The following SLC25A24 variants were observed in gnomAD, a reference collection of about 807,000 sequenced individuals.
The protein encoded by SLC25A24 is mitochondrial adenyl nucleotide antiporter SLC25A24.
Under a neutral mutation model 60.7 loss-of-function variants are expected in SLC25A24, and 49 were observed. That is an observed-to-expected ratio of 0.81 (90% CI 0.64 to 1.02). SLC25A24 has a LOEUF of 1.02. Ranked by LOEUF, SLC25A24 falls within the 50% of genes least tolerant of loss-of-function variation. The probability of loss-of-function intolerance (pLI) is 0.00; values close to 1 mark genes in which losing one functional copy is unlikely to be tolerated. For missense variants in SLC25A24, 564 were observed against 586.3 expected, an observed-to-expected ratio of 0.96 and a Z score of 0.39; for synonymous variants, 202 against 200.6, an observed-to-expected ratio of 1.01 and a Z score of -0.06.
chr1:108,152,719 A>G (rs577309544), intron 6 of SLC25A24, among the ~76,000 whole-genome samples: 126 of 152,234 alleles, frequency 8.3e-4, no homozygotes, highest in Non-Finnish European at 1.6e-3. Context: ...CTGTCTTTTC[A>G]TTTACTTAAT....
At chr1:108,187,173 C>T (rs1648157896) in intron 1 of SLC25A24, among the ~76,000 whole-genome samples, 2 of 151,960 alleles carry the variant, frequency 1.3e-5, no homozygotes, top group Non-Finnish European at 2.9e-5. Context: ...AGAGACAGAT[C>T]TGAAACTTGT....
intron 1 of SLC25A24, among the ~76,000 whole-genome samples, chr1:108,190,703 T>TAAAATAA (rs1250475780): frequency 3.8e-4 from 47 of 124,702 alleles, no homozygotes; most frequent in East Asian, 6.8e-4. Flanking sequence ...CTTTTTTTTT[T>TAAAATAA]TTTTAATCAG....
intron 6 of SLC25A24, among the ~76,000 whole-genome samples, chr1:108,149,013 C>T (rs945245943): frequency 6.6e-6 from 1 of 152,166 alleles, no homozygotes; most frequent in Admixed American, 6.5e-5. Flanking sequence ...TTTGCTGAAA[C>T]AGCATAACAG....
chr1:108,180,620 CTCTCTCTCTCTCTCTCTCTCTCTCTCTCT>C (rs1647887591), intron 3 of SLC25A24, among the ~76,000 whole-genome samples: 40 of 131,930 alleles, frequency 3.0e-4, no homozygotes, highest in African/African-American at 1.1e-3. Flanking sequence ...AGAAAGATCT[CTCTCTCTCTCTCTCTCTCTCTCTCTCTCT>C]CTCTCTCTCT....
intron 8 of SLC25A24, among the ~76,000 whole-genome samples, chr1:108,139,699 C>A (rs1341185345): frequency 6.6e-6 from 1 of 152,066 alleles, no homozygotes; most frequent in Non-Finnish European, 1.5e-5. Context: ...CCAATCTCTG[C>A]CTCCCAGGTT....
At chr1:108,165,020 G>A (rs1395411075) in intron 3 of SLC25A24, among the ~76,000 whole-genome samples, 7 of 146,476 alleles carry the variant, frequency 4.8e-5, no homozygotes, top group South Asian at 2.2e-4. Context: ...TTCAAAGAGC[G>A]TCTTTATTTC....
chr1:108,160,976 AGAGAGG>A (rs902910007), intron 4 of SLC25A24, among the ~76,000 whole-genome samples, 200 bp downstream of exon 4: 27 of 150,976 alleles, frequency 1.8e-4, no homozygotes, highest in East Asian at 9.7e-4. Context: ...GGAGGGGGAG[AGAGAGG>A]GAGAGGGAGA....
chr1:108,198,458 G>A (rs1648563631), intron 1 of SLC25A24: 1 of 152,102 alleles, frequency 6.6e-6, no homozygotes, highest in Non-Finnish European at 1.5e-5. Flanking sequence ...AAAGTAACTG[G>A]ACCAGAATGA....
intron 1 of SLC25A24, among the ~76,000 whole-genome samples, chr1:108,187,490 T>C (rs1648172894): frequency 6.6e-6 from 1 of 152,088 alleles, no homozygotes; most frequent in Non-Finnish European, 1.5e-5. Flanking sequence ...TACTAGACAC[T>C]ATAGACATTA....
chr1:108,156,589 C>T (rs1679905851), intron 5 of SLC25A24, among the ~76,000 whole-genome samples: 2 of 152,126 alleles, frequency 1.3e-5, no homozygotes, highest in African/African-American at 2.4e-5. Flanking sequence ...CAGAAATCTA[C>T]AGACAAATAT....
chr1:108,185,428 A>C (rs1376752785), intron 2 of SLC25A24, among the ~76,000 whole-genome samples: 2 of 152,236 alleles, frequency 1.3e-5, no homozygotes, highest in African/African-American at 4.8e-5. Flanking sequence ...AAGTTTTTTA[A>C]ATTTTAGATG....
intron 6 of SLC25A24, among the ~76,000 whole-genome samples, chr1:108,153,774 C>T (rs1396910384): frequency 1.3e-5 from 2 of 152,242 alleles, no homozygotes; most frequent in South Asian, 2.1e-4. Flanking sequence ...TTGGTGGTAT[C>T]CAAGGTAAGA....
rs376592420 is a variant in SLC25A24 at position 108,192,538 on chromosome 1, G to A, written c.184-6584C>T. ...ATTGAATGGCCCCTACATCCTCCAG[G>A]CCTTCCTGAAGCTCAAAAATGTCCA... On this transcript the variant is annotated intron_variant, in intron 1 of 9. Coordinates refer to ENST00000565488, the MANE Select transcript of SLC25A24 (RefSeq NM_013386.5). 4.7e-6 allele frequency: 7 copies of A among 1,498,832 alleles called. 1 individual carries two copies. Among genetic ancestry groups the A allele is most frequent in the African/African-American group, 4.1e-5 (3 of 73,262 alleles). 92.8% of individuals were successfully genotyped at this position (1,498,832 alleles called of 1,614,324 possible). A position where few individuals can be genotyped will look rare whatever the true frequency, so the allele number is the denominator to read the frequency against.
chr1:108,165,097 G>A (rs1680207094), intron 3 of SLC25A24, among the ~76,000 whole-genome samples: 1 of 145,194 alleles, frequency 6.9e-6, no homozygotes, highest in Admixed American at 6.9e-5. Flanking sequence ...ATGTAGTTGA[G>A]TGGTTTTGAG....
intron 7 of SLC25A24, among the ~76,000 whole-genome samples, chr1:108,147,678 A>AT (rs1679640759): frequency 6.6e-6 from 1 of 152,178 alleles, no homozygotes; most frequent in Non-Finnish European, 1.5e-5. Flanking sequence ...TCAAATCCTG[A>AT]GATTCCATTA....
At chr1:108,138,456 T>C (rs999412675) in intron 9 of SLC25A24, among the ~76,000 whole-genome samples, 4 of 152,134 alleles carry the variant, frequency 2.6e-5, no homozygotes, top group African/African-American at 9.7e-5. Flanking sequence ...AGAGTGGGGA[T>C]AGCAATAAAA....
chr1:108,146,120 G>A lies in SLC25A24; in HGVS notation c.930+2159C>T, dbSNP rs1432815776. On this transcript the variant is annotated intron_variant, in intron 7 of 9. Transcript: ENST00000565488. The stretch of plus-strand genomic sequence containing the variant: ...AGTGGTTTGTAGTTCTCCTTGAACA[G>A]GTCCTTCACATCCCTTGTAAGTTGT... Among the ~76,000 whole-genome samples, 3 of 152,262 alleles carry A rather than the reference G, an allele frequency of 2.0e-5. No individual in the cohort carries two copies. In the East Asian group the frequency reaches 5.8e-4, roughly 29 times the overall value.
At chr1:108,140,634 G>T (rs1282974261) in intron 8 of SLC25A24, among the ~76,000 whole-genome samples, 2 of 152,050 alleles carry the variant, frequency 1.3e-5, no homozygotes, top group Non-Finnish European at 2.9e-5. Context: ...CATAAAGTTT[G>T]TGGGGAGGAG....
rs552438480 is a variant in SLC25A24, at chr1:108,166,743, C to T, written c.399-5450G>A. Among the ~76,000 whole-genome samples the T allele has an allele frequency of 5.5e-3, 831 of 152,292 alleles. 6 individuals are homozygous for T. Among genetic ancestry groups the T allele is most frequent in the African/African-American group, 0.02 (813 of 41,562 alleles). On this transcript the variant is annotated intron_variant, in intron 3 of 9. Coordinates refer to ENST00000565488, the MANE Select transcript of SLC25A24 (RefSeq NM_013386.5). ...ACTTCTTTGCCTTTGGTTTGAATGTCCTCCCATAGCTCAGAGTAATTTGAT... is the reference window on the plus strand; with the variant it reads ...ACTTCTTTGCCTTTGGTTTGAATGTTCTCCCATAGCTCAGAGTAATTTGAT...
Sources: gnomAD v4.1 joint callset for allele counts (sites outside exome capture counted in the v4.1 genomes callset) on GRCh38, gnomAD v4.1.1 for gene constraint, MANE v1.5 for transcripts, NCBI Gene and HGNC (gene_info 2026-07-23, HGNC 2026-07-21) for gene names.